Variants in TEX11 observed in about 807,000 individuals in gnomAD.
TEX11 encodes testis-expressed protein 11.
A neutral mutation model predicts 84.4 loss-of-function variants in TEX11; 7 were observed. The ratio of observed to expected loss-of-function variants is 0.08; its 90% CI spans 0.05 to 0.16. The LOEUF (loss-of-function observed/expected upper bound fraction) is 0.16. Ranked by LOEUF, TEX11 falls within the 10% of genes least tolerant of loss-of-function variation. The pLI is 1.00. For missense variants in TEX11, 551 were observed against 660.5 expected (o/e 0.83, Z 1.82); for synonymous variants, 264 against 222.8 (o/e 1.18, Z -1.64).
intron 20 of TEX11, among the ~76,000 whole-genome samples, chrX:70,622,611 C>T (rs2089408172): frequency 8.9e-6 from 1 of 111,776 alleles, no homozygotes; most frequent in Non-Finnish European, 1.9e-5. Context: ...AGTCCTAGCC[C>T]TAAAGGTACT....
intron 16 of TEX11, among the ~76,000 whole-genome samples, chrX:70,664,870 A>C (rs1367535294): frequency 4.7e-5 from 5 of 106,502 alleles, no homozygotes; most frequent in African/African-American, 1.4e-4. Flanking sequence ...AAAAAAAAAA[A>C]CCCTCAGAAT....
intron 13 of TEX11, among the ~76,000 whole-genome samples, chrX:70,694,008 A>T (rs757961899): frequency 4.3e-4 from 48 of 111,333 alleles, no homozygotes; most frequent in South Asian, 7.6e-4. Flanking sequence ...AATAAAAGTT[A>T]AAAAAAACCC....
intron 16 of TEX11, among the ~76,000 whole-genome samples, chrX:70,668,989 T>C (rs190202427): frequency 8.9e-6 from 1 of 112,251 alleles, no homozygotes; most frequent in African/African-American, 3.2e-5. Context: ...CCTGCTGTTA[T>C]GTTTATGTGA....
intron 11 of TEX11, among the ~76,000 whole-genome samples, chrX:70,727,836 A>G (rs1449662649): frequency 9.0e-6 from 1 of 111,478 alleles, no homozygotes; most frequent in Non-Finnish European, 1.9e-5. Flanking sequence ...AAAGGCCCCC[A>G]CCAGGAACCA....
chrX:70,673,868 T>G (rs943716764), intron 15 of TEX11, among the ~76,000 whole-genome samples: 2 of 112,095 alleles, frequency 1.8e-5, no homozygotes, highest in Middle Eastern at 4.6e-3. Flanking sequence ...TTCTGTTCTA[T>G]TCTCTCTCAG....
At chrX:70,580,950 T>C (rs1239586122) in intron 25 of TEX11, among the ~76,000 whole-genome samples, 1 of 36,212 alleles carries the variant, frequency 2.8e-5, no homozygotes, top group Non-Finnish European at 5.2e-5. Context: ...TAAATTTTAA[T>C]TAATATAGAC....
At chrX:70,522,620 G>A in the TEX11 span, among the ~76,000 whole-genome samples, 2 of 111,175 alleles carry the variant, frequency 1.8e-5, no homozygotes, top group African/African-American at 6.5e-5. Flanking sequence ...CACAACCTCC[G>A]CCTCCTGGGT....
chrX:70,662,528 C>A (rs2089939579), intron 16 of TEX11, among the ~76,000 whole-genome samples: 1 of 110,747 alleles, frequency 9.0e-6, no homozygotes, highest in African/African-American at 3.3e-5. Context: ...CACAAAGATA[C>A]TCCTCGAGAA....
intron 7 of TEX11, among the ~76,000 whole-genome samples, chrX:70,844,084 C>G (rs1444852717): frequency 9.1e-6 from 1 of 110,004 alleles, no homozygotes; most frequent in Non-Finnish European, 1.9e-5. Flanking sequence ...CTAGAAATAC[C>G]ATTTGACCCA....
At chrX:70,715,456 A>T (rs895344402) in intron 13 of TEX11, among the ~76,000 whole-genome samples, 2 of 111,723 alleles carry the variant, frequency 1.8e-5, no homozygotes, top group African/African-American at 3.3e-5. Context: ...GTCTTTTCAT[A>T]TAGTCCCATA....
At chrX:70,570,588 G>A in intron 25 of TEX11, among the ~76,000 whole-genome samples, 1 of 112,029 alleles carries the variant, frequency 8.9e-6, no homozygotes, top group Non-Finnish European at 1.9e-5. Context: ...TTATATATTT[G>A]GAATAATGTA....
chrX:70,666,383 T>C (rs2089976255), intron 16 of TEX11, among the ~76,000 whole-genome samples: 2 of 111,854 alleles, frequency 1.8e-5, no homozygotes, highest in Non-Finnish European at 3.8e-5. Context: ...AAAACATAGA[T>C]CATGGCTAGG....
intron 25 of TEX11, among the ~76,000 whole-genome samples, chrX:70,584,899 A>T (rs907298696): frequency 2.1e-4 from 23 of 112,051 alleles, no homozygotes; most frequent in African/African-American, 7.5e-4. Context: ...ATTAAAAAAA[A>T]TTCCACAGTT....
At chrX:70,761,143 C>T (rs1458565788) in intron 9 of TEX11, among the ~76,000 whole-genome samples, 3 of 111,625 alleles carry the variant, frequency 2.7e-5, no homozygotes, top group South Asian at 3.8e-4. Flanking sequence ...GAAATAGGAA[C>T]GCTTTTACAC....
At chrX:70,730,663 G>C (rs1603239817) in intron 11 of TEX11, among the ~76,000 whole-genome samples, 1 of 111,742 alleles carries the variant, frequency 8.9e-6, no homozygotes, top group Non-Finnish European at 1.9e-5. Context: ...CAAGTCCTTA[G>C]AGACCTACAA....
chrX:70,873,389 T>G, intron 3 of TEX11, 82 bp from the exon 4 acceptor site: 3 of 667,537 alleles, frequency 4.5e-6, no homozygotes, highest in Non-Finnish European at 7.2e-6. Context: ...TGTTGTATGC[T>G]TATGTAACTA....
At chrX:70,843,143 C>T (rs1176673850) in intron 7 of TEX11, among the ~76,000 whole-genome samples, 3 of 111,648 alleles carry the variant, frequency 2.7e-5, no homozygotes, top group East Asian at 2.8e-4. Context: ...AAAGTTCATA[C>T]GGAACCAAAA....
At chrX:70,699,934 C>CA (rs376293610) in intron 13 of TEX11, among the ~76,000 whole-genome samples, 1,719 of 105,402 alleles carry the variant, frequency 0.016, 30 homozygotes, top group African/African-American at 0.039. Flanking sequence ...CAGGAAATTG[C>CA]AAAAAAAAAA....
intron 8 of TEX11, among the ~76,000 whole-genome samples, chrX:70,813,132 G>A (rs1331290056): frequency 9.2e-6 from 1 of 108,679 alleles, no homozygotes; most frequent in Non-Finnish European, 1.9e-5. Flanking sequence ...AAGCCTGGCA[G>A]AGACACAACA....
Sources: allele counts gnomAD v4.1 joint callset (sites outside exome capture counted in the v4.1 genomes callset), GRCh38; gene constraint gnomAD v4.1.1; transcripts MANE v1.5; gene names NCBI Gene and HGNC (gene_info 2026-07-23, HGNC 2026-07-21).